The following GSDME variants were observed in gnomAD, a reference collection of about 807,000 sequenced individuals.
GSDME encodes the protein gasdermin-E.
In GSDME, 44 loss-of-function variants were observed where a neutral mutation model predicts 47.5. The observed-to-expected ratio is 0.93, with a 90% CI of 0.73 to 1.19. The LOEUF (loss-of-function observed/expected upper bound fraction) is 1.19, where lower values mean the gene tolerates loss of function less well. Ranked by LOEUF, GSDME falls within the 50% of genes most tolerant of loss-of-function variation. The pLI is 0.00. For missense variants in GSDME, 663 were observed against 604.2 expected (o/e 1.10, Z -1.02); for synonymous variants, 258 against 252.8 (o/e 1.02, Z -0.20).
At chr7:24,766,989 C>T in the GSDME span, among the ~76,000 whole-genome samples, 1 of 152,096 alleles carries the variant, frequency 6.6e-6, no homozygotes, top group Non-Finnish European at 1.5e-5. This position sits in a 1 kb window ranked among gnomAD's most constrained non-coding sequence, Gnocchi z 4.2. Context: ...TTTTAATGAT[C>T]GCCATTCAAA....
chr7:24,717,613 G>A (rs1489611260), intron 4 of GSDME, among the ~76,000 whole-genome samples: 2 of 152,164 alleles, frequency 1.3e-5, no homozygotes, highest in Non-Finnish European at 1.5e-5. Context: ...ATTATAGAGC[G>A]TGGGATACAG....
chr7:24,767,063 C>T, the GSDME span, among the ~76,000 whole-genome samples: 1 of 152,170 alleles, frequency 6.6e-6, no homozygotes, highest in Non-Finnish European at 1.5e-5. The surrounding 1 kb of genome is among the most constrained non-coding windows in gnomAD (Gnocchi z 5.3). Flanking sequence ...GTGGCTCACA[C>T]CTGTCATCCC....
rs1448276826 is a variant in GSDME at position 24,728,827 on chromosome 7, T to C, written c.405-9609A>G. Reference sequence around the variant, plus strand: ...GGAAATCTCTAGAAACCTCAACTCCTGTGCCCTGGGCCTCCACTTCCAACA... The same window carrying C: ...GGAAATCTCTAGAAACCTCAACTCCCGTGCCCTGGGCCTCCACTTCCAACA... On this transcript the variant is annotated intron_variant, in intron 3 of 9. Transcript: ENST00000645220. This position sits in a 1 kb window ranked among gnomAD's most constrained non-coding sequence, Gnocchi z 7.2. 1.3e-5 allele frequency among the ~76,000 whole-genome samples: 2 copies of C among 152,210 alleles called. No homozygotes were observed. The highest frequency in any genetic ancestry group is 2.9e-5 in the Non-Finnish European group (2 of 68,034).
Position 24,721,225 on chromosome 7 carries a change from A to C in GSDME, c.405-2007T>G, listed in dbSNP as rs1789772651. 6.6e-6 allele frequency among the ~76,000 whole-genome samples: 1 copy of C among 152,264 alleles called. No individual in the cohort carries two copies. The highest frequency in any genetic ancestry group is 1.5e-5 in the Non-Finnish European group (1 of 68,050). On this transcript the variant is annotated intron_variant, in intron 3 of 9. Coordinates refer to ENST00000645220, the MANE Select transcript of GSDME (RefSeq NM_001127453.2). The surrounding 1 kb of genome is among the most constrained non-coding windows in gnomAD (Gnocchi z 4.1). ...GAATTTTACACTTAAAAATGGTTAC[A>C]ACAGTAAATGTTGTGTCTCATCTAT...
chr7:24,715,350 C>A, intron 5 of GSDME: 1 of 423,196 alleles, frequency 2.4e-6, no homozygotes, highest in Non-Finnish European at 4.9e-6. Flanking sequence ...GTGTCCTCAC[C>A]ACACACATGC....
In GSDME at chr7:24,749,666, C is replaced by A; in HGVS notation, c.109G>T (p.Val37Leu). 6.2e-7 allele frequency: 1 copy of A among 1,614,042 alleles called. No individual in the cohort carries two copies. Among genetic ancestry groups the A allele is most frequent in the Non-Finnish European group, 8.5e-7 (1 of 1,180,004 alleles). The change falls in exon 2 of 10, where the codon GTG becomes TTG. Residue 37 changes from valine to leucine, a missense_variant. Transcript: ENST00000645220. ...CACCAGAATCTCTTCTTTTTTGTCA[C>A]CAGACTTAGAAGCTGTAACTTATCA... ...DSDKLQLLSL[V>L]TKKKRFWCWQ...
At chr7:24,772,174 T>G in the GSDME span, among the ~76,000 whole-genome samples, 1 of 152,220 alleles carries the variant, frequency 6.6e-6, no homozygotes, top group African/African-American at 2.4e-5. This position sits in a 1 kb window ranked among gnomAD's most constrained non-coding sequence, Gnocchi z 4.5. Flanking sequence ...GGTGCCTTGC[T>G]GGCCCATCCT....
At chr7:24,751,178 T>C (rs187165368) in intron 1 of GSDME, among the ~76,000 whole-genome samples, 55 of 152,296 alleles carry the variant, frequency 3.6e-4, no homozygotes, top group African/African-American at 1.3e-3. Flanking sequence ...TTTAAAATAC[T>C]GTACTCCAAG....
intron 1 of GSDME, among the ~76,000 whole-genome samples, chr7:24,755,305 C>T (rs1790979166): frequency 6.6e-6 from 1 of 152,134 alleles, no homozygotes; most frequent in East Asian, 1.9e-4. Flanking sequence ...CAAATACCAC[C>T]CCCCTTCCAA....
rs1030304431 is a variant in GSDME at position 24,712,614 on chromosome 7, A to G, written c.698-2226T>C. ...CGATGAGTGTGGTAAGAGTGGGGAC[A>G]GCGGTTGAACAGGGCTGAGGCCAGA... On this transcript the variant is annotated intron_variant, in intron 5 of 9. Transcript: ENST00000645220. The surrounding 1 kb of genome is among the most constrained non-coding windows in gnomAD (Gnocchi z 4.4). Among the ~76,000 whole-genome samples, 1 of 152,256 alleles carries G rather than the reference A, an allele frequency of 6.6e-6. No individual in the cohort carries two copies. The highest frequency in any genetic ancestry group is 2.4e-5 in the African/African-American group (1 of 41,474).
intron 1 of GSDME, among the ~76,000 whole-genome samples, chr7:24,750,766 A>G (rs967698455): frequency 1.3e-5 from 2 of 152,246 alleles, no homozygotes; most frequent in Non-Finnish European, 2.9e-5. Flanking sequence ...GTAAGTAGCT[A>G]TGGCTTTTTA....
At chr7:24,775,607 C>T in the GSDME span, among the ~76,000 whole-genome samples, 1 of 152,174 alleles carries the variant, frequency 6.6e-6, no homozygotes, top group African/African-American at 2.4e-5. Context: ...TGGCTCACGC[C>T]TGTAATCCCA....
the GSDME span, among the ~76,000 whole-genome samples, chr7:24,768,155 C>T: frequency 2.0e-5 from 3 of 152,210 alleles, no homozygotes; most frequent in Admixed American, 6.5e-5. The surrounding 1 kb of genome is among the most constrained non-coding windows in gnomAD (Gnocchi z 5.6). Flanking sequence ...AGGTTAAACT[C>T]GGTCTCTGAG....
At chr7:24,766,145 C>G in the GSDME span, among the ~76,000 whole-genome samples, 1 of 151,154 alleles carries the variant, frequency 6.6e-6, no homozygotes, top group South Asian at 2.1e-4. This position sits in a 1 kb window ranked among gnomAD's most constrained non-coding sequence, Gnocchi z 4.2. Context: ...GTAGTTCAGT[C>G]TAGTGATTTC....
intron 2 of GSDME, 47 bp downstream of exon 2, chr7:24,749,517 A>T: frequency 3.9e-6 from 5 of 1,291,106 alleles, no homozygotes; most frequent in Non-Finnish European, 5.5e-6. Context: ...AAAAAAAAGG[A>T]TCATCCTTTC....
rs892164304 is a variant in GSDME, at chr7:24,716,083, C to T, written c.697+1171G>A. The stretch of plus-strand genomic sequence containing the variant: ...CTTAGCGAGGGCAGGAGCTGTCTCA[C>T]GGGAGACTGCCCCCCACCCGCCTTC... On this transcript the variant is annotated intron_variant, in intron 5 of 9. Coordinates refer to ENST00000645220, the MANE Select transcript of GSDME (RefSeq NM_001127453.2). This position sits in a 1 kb window ranked among gnomAD's most constrained non-coding sequence, Gnocchi z 4.5. Among the ~76,000 whole-genome samples, 2 of 152,316 alleles carry T rather than the reference C, an allele frequency of 1.3e-5. No individual in the cohort carries two copies. Among genetic ancestry groups the T allele is most frequent in the South Asian group, 2.1e-4 (1 of 4,822 alleles).
chr7:24,775,874 CAAAAAAAA>C, the GSDME span, among the ~76,000 whole-genome samples: 5 of 31,396 alleles, frequency 1.6e-4, no homozygotes, highest in African/African-American at 7.1e-4. Context: ...GATTCCATCT[CAAAAAAAA>C]AAAAAAAAAA....
chr7:24,706,406 A>ACACAGCTGGAGACCAAGCGC (rs759157386), intron 7 of GSDME, 30 bp from the exon 8 acceptor site: 211 of 1,603,650 alleles, frequency 1.3e-4, no homozygotes, highest in Non-Finnish European at 1.7e-4. Context: ...AAGGGTCATG[A>ACACAGCTGGAGACCAAGCGC]CACAGCTGGA....
At chr7:24,755,140 C>G (rs568426001) in intron 1 of GSDME, among the ~76,000 whole-genome samples, 56 of 152,252 alleles carry the variant, frequency 3.7e-4, no homozygotes, top group Non-Finnish European at 4.6e-4. Flanking sequence ...CTGGAACTAT[C>G]AGGCCCTGGT....
Sources: allele counts gnomAD v4.1 joint callset (sites outside exome capture counted in the v4.1 genomes callset), GRCh38; gene constraint gnomAD v4.1.1; non-coding constraint Gnocchi (gnomAD v3.1); transcripts MANE v1.5; gene names NCBI Gene and HGNC (gene_info 2026-07-23, HGNC 2026-07-21).